ALDH1L1: variants seen among roughly 807,000 people sequenced by gnomAD.
The protein encoded by ALDH1L1 is cytosolic 10-formyltetrahydrofolate dehydrogenase.
In ALDH1L1, 68 loss-of-function variants were observed where a neutral mutation model predicts 101.1. The ratio of observed to expected loss-of-function variants is 0.67; its 90% CI spans 0.55 to 0.82. The LOEUF is 0.82. Among genes scored for constraint, ALDH1L1 ranks in the 40% least tolerant of loss-of-function variants. ALDH1L1 has a pLI of 0.00. For missense variants in ALDH1L1, 1,087 were observed against 1,172.7 expected (o/e 0.93, Z 1.07); for synonymous variants, 486 against 470.8 (o/e 1.03, Z -0.42).
Position 126,136,862 on chromosome 3 carries a change from G to A in ALDH1L1, c.1246C>T (p.Arg416Cys), listed in dbSNP as rs371183566. 9.0e-5 allele frequency: 145 copies of A among 1,613,092 alleles called. No individual in the cohort carries two copies. The highest frequency in any genetic ancestry group is 5.7e-4 in the Admixed American group (34 of 59,886). Residue 416 changes from arginine to cysteine, a missense_variant, in exon 11 of 23, where the codon CGC (arginine) becomes TGC (cysteine). Arg to Cys is a radical substitution (Grantham distance 180, BLOSUM62 -3). Around this residue, in one of 2 missense-constraint regions of ALDH1L1, gnomAD observed 645 missense variants for 637.0 expected, o/e 1.01. Transcript: ENST00000393434. ...AGCTGGTGGGGCATGCGGACAGTGCGCTTGTTCACTGCCATTTCCACCTGA... is the reference window on the plus strand; with the variant it reads ...AGCTGGTGGGGCATGCGGACAGTGCACTTGTTCACTGCCATTTCCACCTGA... ...IDYVEMAVNK[R>C]TVRMPHQLFI...
At chr3:126,138,136 G>A (rs2080490975) in intron 9 of ALDH1L1, among the ~76,000 whole-genome samples, 176 bp from the exon 10 acceptor site, 1 of 152,122 alleles carries the variant, frequency 6.6e-6, no homozygotes, top group South Asian at 2.1e-4. Context: ...ATGGTCCCGG[G>A]TCCAAATTCT....
At chr3:126,169,325 T>C (rs1232387701) in intron 1 of ALDH1L1, among the ~76,000 whole-genome samples, 1 of 152,200 alleles carries the variant, frequency 6.6e-6, no homozygotes, top group African/African-American at 2.4e-5. Context: ...CCTCTAGAAT[T>C]TAAAAACTAG....
At chr3:126,177,481 T>C (rs1238007181) in intron 1 of ALDH1L1, among the ~76,000 whole-genome samples, 3 of 151,990 alleles carry the variant, frequency 2.0e-5, no homozygotes, top group African/African-American at 7.3e-5. Context: ...ATATGATTCA[T>C]ACATACTATA....
intron 9 of ALDH1L1, among the ~76,000 whole-genome samples, chr3:126,144,131 A>G (rs888583498): frequency 6.6e-6 from 1 of 152,240 alleles, no homozygotes; most frequent in Non-Finnish European, 1.5e-5. Context: ...CATCAAAAGA[A>G]TAAAATAAGA....
At chr3:126,160,079 G>A (rs2081009706) in intron 2 of ALDH1L1, among the ~76,000 whole-genome samples, 1 of 152,150 alleles carries the variant, frequency 6.6e-6, no homozygotes, top group Admixed American at 6.5e-5. Context: ...TGTCTGCTGA[G>A]GTTCCCAGCT....
chr3:126,119,213 T>TG (rs1405272181), intron 16 of ALDH1L1, among the ~76,000 whole-genome samples: 2 of 152,206 alleles, frequency 1.3e-5, no homozygotes, highest in Non-Finnish European at 2.9e-5. Context: ...TCTTCAGGTA[T>TG]GTCACCCCCC....
At chr3:126,157,209 G>T in intron 4 of ALDH1L1, 134 bp downstream of exon 4, 1 of 1,109,074 alleles carries the variant, frequency 9.0e-7, no homozygotes, top group South Asian at 1.7e-5. Flanking sequence ...ACCTTGAAGT[G>T]AGAGCTCCTC....
At chr3:126,150,570 T>C in intron 7 of ALDH1L1, 39 bp from the exon 8 acceptor site, 2 of 1,529,902 alleles carry the variant, frequency 1.3e-6, no homozygotes, top group East Asian at 2.5e-5. Context: ...CTTTTCTTTT[T>C]TTGAGACAGA....
intron 2 of ALDH1L1, among the ~76,000 whole-genome samples, chr3:126,160,018 C>G (rs1344961311): frequency 6.6e-6 from 1 of 152,176 alleles, no homozygotes; most frequent in Non-Finnish European, 1.5e-5. Flanking sequence ...TGAGAAGGAC[C>G]AGTCAGTGTT....
At position 126,157,357 on chromosome 3, in the gene ALDH1L1, C is replaced by T. The variant is rs2080932860; in HGVS notation, c.514G>A (p.Gly172Ser). 1 of 1,613,402 alleles carries T rather than the reference C, an allele frequency of 6.2e-7. No individual in the cohort carries two copies. Among genetic ancestry groups the T allele is most frequent in the Non-Finnish European group, 8.5e-7 (1 of 1,179,716 alleles). Residue 172 changes from glycine (G) to serine (S), a missense_variant, in exon 4 of 23, where the codon GGC becomes AGC. Around this residue, in one of 2 missense-constraint regions of ALDH1L1, gnomAD observed 645 missense variants for 637.0 expected, o/e 1.01. Transcript: ENST00000393434. The stretch of plus-strand genomic sequence containing the variant: ...CAGGTCCTCACCATCCCTTTGATGC[C>T]TTCAGGGAAGAGGAAGCGGTTGTAC... ...TLYNRFLFPE[G>S]IKGMVQAVRL...
In ALDH1L1 at chr3:126,110,002, C is replaced by T. The variant is rs1946026780; in HGVS notation, c.2289G>A (p.Gln763=). Residue 763 remains glutamine (Q), a synonymous_variant, in exon 20 of 23, where the codon CAG becomes CAA. Coordinates refer to ENST00000393434, the MANE Select transcript of ALDH1L1 (RefSeq NM_012190.4). The part of the protein sequence containing the change: ...AHLVKLMEYC[Q]HGVKEGATLV... The stretch of plus-strand genomic sequence containing the variant: ...GTGTGGCCCCTTCCTTCACGCCATG[C>T]TGGCAGTACTCCATCAGCTTCACAA... The T allele has an allele frequency of 6.2e-7, 1 of 1,614,112 alleles. No homozygotes were observed. Among genetic ancestry groups the T allele is most frequent in the Non-Finnish European group, 8.5e-7 (1 of 1,180,044 alleles).
At chr3:126,125,761 AC>A in intron 14 of ALDH1L1, 40 bp from the exon 15 acceptor site, 1 of 1,422,490 alleles carries the variant, frequency 7.0e-7, no homozygotes, top group Non-Finnish European at 9.4e-7. Context: ...CTTCTTCTCC[AC>A]CAGGCCCACA....
At chr3:126,131,595 C>T (rs948396750) in intron 12 of ALDH1L1, 61 bp from the exon 13 acceptor site, 3 of 1,537,780 alleles carry the variant, frequency 2.0e-6, no homozygotes, top group Non-Finnish European at 2.7e-6. Flanking sequence ...CATCTGCCCT[C>T]ACAAGGCCCT....
chr3:126,179,336 T>TG (rs1168686954), intron 1 of ALDH1L1, among the ~76,000 whole-genome samples: 1 of 152,260 alleles, frequency 6.6e-6, no homozygotes, highest in Non-Finnish European at 1.5e-5. Context: ...ACTGCAGCTC[T>TG]GGGCCCTCTG....
chr3:126,181,180 C>T, upstream of ALDH1L1: 1 of 638,382 alleles, frequency 1.6e-6, no homozygotes, highest in Non-Finnish European at 2.7e-6. Context: ...AGTCCTGGTG[C>T]CGCAGACCCC....
At chr3:126,114,118 G>A (rs1251141998) in intron 18 of ALDH1L1, among the ~76,000 whole-genome samples, 2 of 152,080 alleles carry the variant, frequency 1.3e-5, no homozygotes, top group African/African-American at 4.8e-5. Context: ...ACATTTTATT[G>A]TGTATATTTG....
At chr3:126,128,132 T>G (rs1357244358) in intron 14 of ALDH1L1, among the ~76,000 whole-genome samples, 1 of 152,102 alleles carries the variant, frequency 6.6e-6, no homozygotes, top group Non-Finnish European at 1.5e-5. Context: ...AGCGAGAAGT[T>G]TGATTCCATG....
intron 16 of ALDH1L1, among the ~76,000 whole-genome samples, chr3:126,120,964 C>T (rs2080068178): frequency 6.6e-6 from 1 of 152,182 alleles, no homozygotes; most frequent in South Asian, 2.1e-4. Flanking sequence ...GGTCACCATC[C>T]TAACCCCCAG....
At chr3:126,116,116 A>C (rs995736318) in intron 17 of ALDH1L1, among the ~76,000 whole-genome samples, 7 of 151,094 alleles carry the variant, frequency 4.6e-5, no homozygotes, top group Admixed American at 4.6e-4. Context: ...TCCTGGCCTC[A>C]AGTGACCAGC....
Sources: allele counts gnomAD v4.1 joint callset (sites outside exome capture counted in the v4.1 genomes callset), GRCh38; gene constraint gnomAD v4.1.1; regional missense constraint gnomAD v4.1.1; transcripts MANE v1.5; gene names NCBI Gene and HGNC (gene_info 2026-07-23, HGNC 2026-07-21).